Variants in HPSE2 observed in about 807,000 individuals in gnomAD.
HPSE2 encodes the protein heparanase 2 (inactive).
A neutral mutation model predicts 60.5 loss-of-function variants in HPSE2; 38 were observed. The observed-to-expected ratio is 0.63, with a 90% CI of 0.48 to 0.82. The LOEUF is 0.82. Among genes scored for constraint, HPSE2 ranks in the 40% least tolerant of loss-of-function variants. HPSE2 has a pLI of 0.00. For missense variants in HPSE2, 713 were observed against 740.4 expected (o/e 0.96, Z 0.43); for synonymous variants, 295 against 293.2 (o/e 1.01, Z -0.06).
chr10:98,473,257 G>C (rs956658234), intron 11 of HPSE2, among the ~76,000 whole-genome samples: 2 of 151,976 alleles, frequency 1.3e-5, no homozygotes, highest in African/African-American at 4.8e-5. Flanking sequence ...GGCCGAGATG[G>C]GTGGATCACC....
chr10:98,761,755 T>G (rs1223257330), intron 3 of HPSE2, among the ~76,000 whole-genome samples: 2 of 152,168 alleles, frequency 1.3e-5, no homozygotes, highest in Non-Finnish European at 2.9e-5. Flanking sequence ...GGGACTTAAC[T>G]TACAATCTGG....
chr10:98,661,939 C>T (rs1947234668), intron 6 of HPSE2, among the ~76,000 whole-genome samples: 2 of 152,178 alleles, frequency 1.3e-5, no homozygotes, highest in East Asian at 1.9e-4. Flanking sequence ...CTTGCTATGT[C>T]GCCAGGCTGG....
At chr10:98,486,134 G>A (rs1247778080) in intron 10 of HPSE2, among the ~76,000 whole-genome samples, 1 of 152,168 alleles carries the variant, frequency 6.6e-6, no homozygotes, top group African/African-American at 2.4e-5. Flanking sequence ...TCCCTGCTTG[G>A]CTTATGGGCA....
chr10:99,168,458 A>G (rs1231618894), intron 2 of HPSE2, among the ~76,000 whole-genome samples: 1 of 152,196 alleles, frequency 6.6e-6, no homozygotes, highest in African/African-American at 2.4e-5. Context: ...TTTTATCTAG[A>G]GATGTTCATG....
chr10:98,640,334 G>T (rs1384111325), intron 7 of HPSE2, among the ~76,000 whole-genome samples: 5 of 152,172 alleles, frequency 3.3e-5, no homozygotes, highest in Non-Finnish European at 2.9e-5. Flanking sequence ...CCTAGGCTTT[G>T]CCTAGTGGAA....
chr10:98,932,804 T>C lies in HPSE2; in HGVS notation c.611-188748A>G, dbSNP rs796915521. On this transcript the variant is annotated intron_variant, in intron 3 of 11. Transcript: ENST00000370552. ...ATTCTCTGATGGTTGTTTGTATTTC[T>C]CTAGGGTCAGTGATGGTATCCCCCT... is the stretch of plus-strand genomic sequence containing the variant. Among the ~76,000 whole-genome samples, 4 of 143,846 alleles carry C rather than the reference T, an allele frequency of 2.8e-5. 1 individual carries two copies. The highest frequency in any genetic ancestry group is 2.8e-4 in the Admixed American group (4 of 14,478). 94.4% of individuals were successfully genotyped at this position (143,846 alleles called of 152,430 possible). A position where few individuals can be genotyped will look rare whatever the true frequency, so the allele number is the denominator to read the frequency against.
At chr10:98,753,125 C>A (rs985368473) in intron 3 of HPSE2, among the ~76,000 whole-genome samples, 3 of 151,986 alleles carry the variant, frequency 2.0e-5, no homozygotes, top group African/African-American at 7.3e-5. Context: ...TCCAAGAGAT[C>A]TATTGTGGAA....
the HPSE2 span, among the ~76,000 whole-genome samples, chr10:99,294,438 C>CATATAATATATTAACATATATAATAAT: frequency 1.6e-3 from 225 of 143,656 alleles, 1 homozygote; most frequent in African/African-American, 5.4e-3. Flanking sequence ...ATAATATATA[C>CATATAATATATTAACATATATAATAAT]ATATAATATA....
the HPSE2 span, among the ~76,000 whole-genome samples, chr10:99,280,779 C>G: frequency 6.6e-6 from 1 of 152,296 alleles, no homozygotes; most frequent in African/African-American, 2.4e-5. Context: ...GCTCTGGATT[C>G]AAATCCAGAC....
intron 9 of HPSE2, among the ~76,000 whole-genome samples, chr10:98,509,402 T>A (rs1023672868): frequency 6.6e-6 from 1 of 152,152 alleles, no homozygotes; most frequent in African/African-American, 2.4e-5. Flanking sequence ...GAAAGTTAAC[T>A]TAGAAGAGAG....
chr10:98,988,096 T>C (rs1589471659), intron 3 of HPSE2, among the ~76,000 whole-genome samples: 1 of 152,308 alleles, frequency 6.6e-6, no homozygotes, highest in African/African-American at 2.4e-5. Flanking sequence ...TTCAATGCCA[T>C]CCCCATCAAG....
intron 3 of HPSE2, among the ~76,000 whole-genome samples, chr10:99,073,512 G>A (rs1258909973): frequency 1.3e-5 from 2 of 152,104 alleles, no homozygotes; most frequent in African/African-American, 2.4e-5. Flanking sequence ...AGGCAACATA[G>A]CTAATGCATG....
chr10:99,078,924 A>C (rs2135566953), intron 3 of HPSE2, among the ~76,000 whole-genome samples: 1 of 152,246 alleles, frequency 6.6e-6, no homozygotes, highest in East Asian at 1.9e-4. Flanking sequence ...TTAGGCATCA[A>C]GATTATGCTG....
chr10:98,847,298 T>C (rs1159789849), intron 3 of HPSE2, among the ~76,000 whole-genome samples: 2 of 152,226 alleles, frequency 1.3e-5, no homozygotes, highest in African/African-American at 4.8e-5. Context: ...CTACCATTTA[T>C]TGAACACCTG....
chr10:98,726,667 A>AT (rs1949091992), intron 4 of HPSE2, among the ~76,000 whole-genome samples: 9 of 147,298 alleles, frequency 6.1e-5, no homozygotes, highest in African/African-American at 1.5e-4. Flanking sequence ...AATAATAATA[A>AT]AAGAAATATA....
At chr10:99,043,734 T>A (rs144099087) in intron 3 of HPSE2, among the ~76,000 whole-genome samples, 4 of 152,196 alleles carry the variant, frequency 2.6e-5, no homozygotes, top group Non-Finnish European at 5.9e-5. Flanking sequence ...ATCAGAAGCA[T>A]TAATAGTAGA....
chr10:99,140,898 G>A (rs2135768844), intron 3 of HPSE2, among the ~76,000 whole-genome samples: 1 of 152,262 alleles, frequency 6.6e-6, no homozygotes, highest in African/African-American at 2.4e-5. Flanking sequence ...TTAGCCGGAT[G>A]TGGTGGCATT....
chr10:98,571,837 G>A (rs1028831577), intron 9 of HPSE2, among the ~76,000 whole-genome samples: 18 of 152,130 alleles, frequency 1.2e-4, no homozygotes, highest in Non-Finnish European at 2.5e-4. Flanking sequence ...TGGCAGTTAA[G>A]CCAAGCTTAT....
At chr10:98,876,903 G>A (rs897141398) in intron 3 of HPSE2, among the ~76,000 whole-genome samples, 12 of 151,780 alleles carry the variant, frequency 7.9e-5, no homozygotes, top group African/African-American at 2.7e-4. Context: ...ACCAATAGAT[G>A]ACTATTTACC....
Sources: allele counts gnomAD v4.1 joint callset (sites outside exome capture counted in the v4.1 genomes callset), GRCh38; gene constraint gnomAD v4.1.1; transcripts MANE v1.5; gene names NCBI Gene and HGNC (gene_info 2026-07-23, HGNC 2026-07-21).